Variants in SNX29 observed in about 807,000 individuals in gnomAD.
The protein encoded by SNX29 is sorting nexin-29.
Under a neutral mutation model 102.1 loss-of-function variants are expected in SNX29, and 78 were observed. That is an observed-to-expected ratio of 0.76 (90% CI 0.64 to 0.92). SNX29 has a LOEUF of 0.92. Ranked by LOEUF, SNX29 falls within the 40% of genes least tolerant of loss-of-function variation. SNX29 has a pLI of 0.00. For missense variants in SNX29, 1,280 were observed against 1,061.7 expected (o/e 1.21, Z -2.86); for synonymous variants, 580 against 414.5 (o/e 1.40, Z -4.85).
chr16:12,533,791 C>G (rs1305929805), intron 20 of SNX29, among the ~76,000 whole-genome samples: 3 of 152,150 alleles, frequency 2.0e-5, no homozygotes, highest in Non-Finnish European at 2.9e-5. Context: ...TGGAGTGCAG[C>G]TCATAGGCCC....
rs78819537 is a variant in SNX29, at chr16:12,390,321, C to T, written c.1900-8125C>T. On this transcript the variant is annotated intron_variant, in intron 16 of 20. Coordinates refer to ENST00000566228, the MANE Select transcript of SNX29 (RefSeq NM_032167.5). Reference sequence around the variant, plus strand: ...TAAATCCCTCATAGGTTTCCCCCGTCGGAGCACAGACCAAAGCCGTGCTCA... The same window carrying T: ...TAAATCCCTCATAGGTTTCCCCCGTTGGAGCACAGACCAAAGCCGTGCTCA... Among the ~76,000 whole-genome samples the T allele has an allele frequency of 5.6e-3, 850 of 152,252 alleles. 7 individuals are homozygous for T. Among genetic ancestry groups the T allele is most frequent in the African/African-American group, 0.019 (801 of 41,542 alleles).
At chr16:12,118,175 C>T (rs866108899) in intron 11 of SNX29, among the ~76,000 whole-genome samples, 28 of 152,236 alleles carry the variant, frequency 1.8e-4, no homozygotes, top group African/African-American at 5.8e-4. Context: ...GTAAGCCTTT[C>T]GCTTAGTTCC....
At chr16:12,534,802 C>T (rs1421703826) in intron 20 of SNX29, among the ~76,000 whole-genome samples, 1 of 152,142 alleles carries the variant, frequency 6.6e-6, no homozygotes. Flanking sequence ...GCAATTTTGC[C>T]TTACTCCCCA....
At chr16:12,088,005 G>A (rs968683941) in intron 11 of SNX29, 3 of 456,562 alleles carry the variant, frequency 6.6e-6, no homozygotes, top group Non-Finnish European at 1.3e-5. Flanking sequence ...ATGGTCCTTT[G>A]GGGGGTATGA....
intron 13 of SNX29, among the ~76,000 whole-genome samples, chr16:12,149,507 C>G (rs1029838173): frequency 6.6e-6 from 1 of 152,194 alleles, no homozygotes; most frequent in Non-Finnish European, 1.5e-5. Context: ...AGTATATGCT[C>G]TGTTCTGTAG....
intron 13 of SNX29, among the ~76,000 whole-genome samples, chr16:12,172,202 A>T (rs1442867617): frequency 1.3e-5 from 2 of 152,076 alleles, no homozygotes; most frequent in East Asian, 3.8e-4. Flanking sequence ...GTCAGCTGAG[A>T]AGTAGGCCAC....
chr16:12,536,302 G>A (rs2077077975), intron 20 of SNX29, among the ~76,000 whole-genome samples: 1 of 152,062 alleles, frequency 6.6e-6, no homozygotes, highest in Non-Finnish European at 1.5e-5. Flanking sequence ...GCTCGTTCTG[G>A]GAAGACAGGT....
chr16:12,101,463 A>G (rs2053017137), intron 11 of SNX29, among the ~76,000 whole-genome samples: 1 of 150,610 alleles, frequency 6.6e-6, no homozygotes, highest in African/African-American at 2.4e-5. Flanking sequence ...GGCTCACTGC[A>G]ACCTCCACCT....
At chr16:12,106,887 C>T (rs891441021) in intron 11 of SNX29, among the ~76,000 whole-genome samples, 1 of 152,104 alleles carries the variant, frequency 6.6e-6, no homozygotes, top group Non-Finnish European at 1.5e-5. Flanking sequence ...ACGATTATGG[C>T]TCCCTGCTGC....
intron 16 of SNX29, among the ~76,000 whole-genome samples, chr16:12,364,843 G>A (rs2082414858): frequency 6.6e-6 from 1 of 152,104 alleles, no homozygotes; most frequent in Non-Finnish European, 1.5e-5. Context: ...CCACTGCCCT[G>A]ACTCCAAGCA....
chr16:12,548,274 G>C (rs138114060), intron 20 of SNX29, among the ~76,000 whole-genome samples: 31 of 152,298 alleles, frequency 2.0e-4, no homozygotes, highest in Admixed American at 3.9e-4. Flanking sequence ...ATGTGGACCT[G>C]ACTGGGAAGG....
chr16:12,516,692 A>G (rs1241149946), intron 19 of SNX29, among the ~76,000 whole-genome samples: 3 of 152,162 alleles, frequency 2.0e-5, no homozygotes, highest in African/African-American at 7.2e-5. Context: ...AAATACCTTG[A>G]TGTTCCTTGA....
intron 19 of SNX29, among the ~76,000 whole-genome samples, chr16:12,503,951 G>C (rs1443837440): frequency 6.6e-6 from 1 of 152,080 alleles, no homozygotes; most frequent in Non-Finnish European, 1.5e-5. Flanking sequence ...CAAGTCAGTG[G>C]CTCTTAGTAT....
At chr16:12,093,767 T>C (rs541793401) in intron 11 of SNX29, 2 of 152,312 alleles carry the variant, frequency 1.3e-5, no homozygotes, top group Non-Finnish European at 2.9e-5. Context: ...CATAGATAGT[T>C]TTAGAGATTT....
intron 15 of SNX29, among the ~76,000 whole-genome samples, chr16:12,304,948 C>T (rs764556842): frequency 1.6e-4 from 25 of 152,112 alleles, no homozygotes; most frequent in Admixed American, 1.0e-3. Flanking sequence ...ACTAATTTTC[C>T]AAGAATGAGA....
chr16:12,389,229 GAGT>G (rs1332376709), intron 16 of SNX29, among the ~76,000 whole-genome samples: 3 of 152,162 alleles, frequency 2.0e-5, no homozygotes, highest in Non-Finnish European at 4.4e-5. Context: ...TGTTAAATTG[GAGT>G]TAAGGATGAA....
intron 16 of SNX29, chr16:12,367,125 C>G (rs1418230056): frequency 6.6e-6 from 1 of 152,220 alleles, no homozygotes; most frequent in Non-Finnish European, 1.5e-5. Context: ...ATGGCTGACC[C>G]CTGATGAGTG....
chr16:12,486,738 AG>A (rs1185653390), intron 19 of SNX29, among the ~76,000 whole-genome samples: 1 of 152,142 alleles, frequency 6.6e-6, no homozygotes, highest in Non-Finnish European at 1.5e-5. Context: ...CGTGGAGAGC[AG>A]GGGGCGGGTG....
intron 20 of SNX29, among the ~76,000 whole-genome samples, chr16:12,538,893 A>G (rs770164200): frequency 3.5e-5 from 5 of 144,510 alleles, no homozygotes; most frequent in Non-Finnish European, 7.4e-5. Context: ...ACTTGCACAG[A>G]TTAATGACCT....
Sources: gnomAD v4.1 joint callset for allele counts (sites outside exome capture counted in the v4.1 genomes callset) on GRCh38, gnomAD v4.1.1 for gene constraint, MANE v1.5 for transcripts, NCBI Gene and HGNC (gene_info 2026-07-23, HGNC 2026-07-21) for gene names.